Variants in PIGO observed in about 807,000 individuals in gnomAD.
The protein encoded by PIGO is phosphatidylinositol glycan anchor biosynthesis class O, also known as GPI ethanolamine phosphate transferase 3, catalytic subunit.
In PIGO, 66 loss-of-function variants were observed where a neutral mutation model predicts 86.9. The observed-to-expected ratio is 0.76, with a 90% confidence interval of 0.62 to 0.93. PIGO has a LOEUF of 0.93. PIGO is among the 40% of genes least tolerant of loss of function. The probability of loss-of-function intolerance (pLI) is 0.00; values close to 1 mark genes in which losing one functional copy is unlikely to be tolerated. For synonymous variants in PIGO, 570 were observed against 556.4 expected (o/e 1.02, Z -0.34); for missense variants, 1,202 against 1,359.1 (o/e 0.88, Z 1.82).
chr9:35,093,761 A>G, intron 4 of PIGO, 140 bp downstream of exon 4: 1 of 1,470,864 alleles, frequency 6.8e-7, no homozygotes, highest in Non-Finnish European at 9.1e-7. Flanking sequence ...ACATTGAGTT[A>G]ATCAAGATGG....
chr9:35,089,963 G>A, intron 9 of PIGO, 103 bp downstream of exon 9: 1 of 1,492,426 alleles, frequency 6.7e-7, no homozygotes, highest in Non-Finnish European at 9.0e-7. Context: ...TCACTTATGT[G>A]AAACTCAGTC....
In PIGO at chr9:35,092,576, G is replaced by A; in HGVS notation, c.1311C>T (p.Ala437=). The A allele has an allele frequency of 6.2e-7, 1 of 1,614,238 alleles. No individual in the cohort carries two copies. The highest frequency in any genetic ancestry group is 8.5e-7 in the Non-Finnish European group (1 of 1,180,040). Residue 437 remains alanine (A), a synonymous_variant, in exon 7 of 11, where the codon GCC becomes GCT. Coordinates refer to ENST00000378617, the MANE Select transcript of PIGO (RefSeq NM_032634.4). ...AACGAGCCCAAGACTCGATGCACAT[G>A]GCCCGAGCTCCCCGCAGGAACTGCT... ...ELQQFLRGAR[A]MCIESWARFS...
chr9:35,093,314 C>T, intron 5 of PIGO, 105 bp from the exon 6 acceptor site: 2 of 1,575,024 alleles, frequency 1.3e-6, no homozygotes, highest in Non-Finnish European at 1.7e-6. Flanking sequence ...GGAGGATACC[C>T]AGGATCATGG....
intron 2 of PIGO, among the ~76,000 whole-genome samples, 187 bp from the exon 3 acceptor site, chr9:35,094,546 G>A (rs1410269914): frequency 2.0e-5 from 3 of 152,044 alleles, no homozygotes; most frequent in Non-Finnish European, 4.4e-5. Context: ...CCTGATAACC[G>A]TACTCCACCC....
chr9:35,094,682 C>T (rs1002579515), intron 2 of PIGO, among the ~76,000 whole-genome samples: 2 of 152,194 alleles, frequency 1.3e-5, no homozygotes, highest in Non-Finnish European at 1.5e-5. Flanking sequence ...GCCTGTATTT[C>T]TCTGCTTTCT....
In PIGO at chr9:35,093,406, C is replaced by A. The variant is rs779032497; in HGVS notation, c.939+15G>T. 8.1e-6 allele frequency: 13 copies of A among 1,613,790 alleles called. No homozygotes were observed. In the South Asian group the frequency reaches 1.3e-4, roughly 16 times the overall value. The stretch of plus-strand genomic sequence containing the variant: ...GATTACTGGGAGAACAGATGAGGAA[C>A]ATCCCAGGCCTCACCTCTGGTGGGG... On this transcript the variant is annotated intron_variant, in intron 5 of 10. Transcript: ENST00000378617.
Position 35,092,630 on chromosome 9 carries a change from C to A in PIGO, c.1257G>T (p.Ala419=). Residue 419 remains alanine (A), a synonymous_variant, in exon 7 of 11, where the codon GCG becomes GCT. Transcript: ENST00000378617. ...GCTCAGCAATCACAGTCGGCAGTGT[C>A]GCCTCAGCCCCCTTGGGGCTCTGGA... is the stretch of plus-strand genomic sequence containing the variant. ...WLLQSPKGAE[A]TLPTVIAELQ... is the part of the protein sequence containing the mutation. The A allele has an allele frequency of 1.2e-6, 2 of 1,614,232 alleles. No individual in the cohort carries two copies. Among genetic ancestry groups the A allele is most frequent in the Non-Finnish European group, 1.7e-6 (2 of 1,180,046 alleles).
intron 6 of PIGO, 44 bp downstream of exon 6, chr9:35,092,986 C>T (rs756761215): frequency 1.5e-5 from 23 of 1,567,422 alleles, no homozygotes; most frequent in Middle Eastern, 1.9e-4. Flanking sequence ...TTCTTTCATG[C>T]CCACCCTAGC....
chr9:35,094,172 C>T (rs528710134), intron 3 of PIGO, 44 bp downstream of exon 3: 6 of 1,567,414 alleles, frequency 3.8e-6, no homozygotes, highest in Non-Finnish European at 4.3e-6. Flanking sequence ...GCAGTTCTCC[C>T]CAGCTCCCAG....
intron 1 of PIGO, 26 bp from the exon 2 acceptor site, chr9:35,095,592 A>G (rs749770467): frequency 2.7e-6 from 4 of 1,505,208 alleles, no homozygotes; most frequent in Non-Finnish European, 3.5e-6. Context: ...AAGTAAATTC[A>G]TTACTGTGGG....
In PIGO at chr9:35,091,773, C is replaced by A; in HGVS notation, c.2114G>T (p.Arg705Leu). 3 of 1,612,330 alleles carry A rather than the reference C, an allele frequency of 1.9e-6. No individual in the cohort carries two copies. Among genetic ancestry groups the A allele is most frequent in the Non-Finnish European group, 2.5e-6 (3 of 1,180,030 alleles). ...KSPEPPMLFV[R>L]WGLPLMALGT... Reference sequence around the variant, plus strand: ...CAATGCCATTAGGGGCAGTCCCCAGCGCACAAAGAGCATGGGTGGCTCGGG... The same window carrying A: ...CAATGCCATTAGGGGCAGTCCCCAGAGCACAAAGAGCATGGGTGGCTCGGG... The change falls in exon 7 of 11, where the codon CGC becomes CTC. Residue 705 changes from arginine to leucine, a missense_variant. Arg to Leu is a moderately radical substitution (Grantham distance 102). Coordinates refer to ENST00000378617, the MANE Select transcript of PIGO (RefSeq NM_032634.4).
chr9:35,093,045 A>G lies in PIGO; in HGVS notation c.1104T>C (p.His368=). 1 of 1,609,498 alleles carries G rather than the reference A, an allele frequency of 6.2e-7. No homozygotes were observed. The highest frequency in any genetic ancestry group is 8.5e-7 in the Non-Finnish European group (1 of 1,176,222). Residue 368 remains histidine (H), a synonymous_variant, in exon 6 of 11, where the codon CAT becomes CAC. Transcript: ENST00000378617. ...SSALAQASAL[H]LNAQQVSRFL... ...GCTTACCTACCTGCTGAGCATTGAGATGGAGAGCTGAGGCTTGGGCTAAAG... is the reference window on the plus strand; with the variant it reads ...GCTTACCTACCTGCTGAGCATTGAGGTGGAGAGCTGAGGCTTGGGCTAAAG...
chr9:35,095,709 A>G, intron 1 of PIGO, 143 bp from the exon 2 acceptor site: 1 of 1,081,382 alleles, frequency 9.2e-7, no homozygotes, highest in Non-Finnish European at 1.3e-6. Flanking sequence ...ACCCCTCGCA[A>G]TATTACTCTC....
rs749049535 is a variant in PIGO, at chr9:35,090,688, T to A, written c.2648-16A>T. On this transcript the variant is annotated splice_polypyrimidine_tract_variant and intron_variant, in intron 7 of 10. Transcript: ENST00000378617. The stretch of plus-strand genomic sequence containing the variant: ...GTAAAAGGACCTGGAAGAAAAGATA[T>A]GCCACGTTACAGTCACTTCTTATTC... 1 of 1,612,242 alleles carries A rather than the reference T, an allele frequency of 6.2e-7. No individual in the cohort carries two copies. The highest frequency in any genetic ancestry group is 1.1e-5 in the South Asian group (1 of 90,954).
At chr9:35,093,747 C>G in intron 4 of PIGO, 154 bp downstream of exon 4, 1 of 1,449,602 alleles carries the variant, frequency 6.9e-7, no homozygotes, top group South Asian at 1.4e-5. Flanking sequence ...ATGCCCAAAG[C>G]TACACATTGA....
At position 35,091,881 on chromosome 9, in the gene PIGO, C is replaced by A; in HGVS notation, c.2006G>T (p.Trp669Leu). Residue 669 changes from tryptophan to leucine, a missense_variant, in exon 7 of 11, where the codon TGG (tryptophan) becomes TTG (leucine). Coordinates refer to ENST00000378617, the MANE Select transcript of PIGO (RefSeq NM_032634.4). ...CAGCGCCGCCACACAAGCTCCATAC[C>A]ACAAATTCTTGGCTCGACCACCCAC... ...SMVGGRAKNL[W>L]YGACVAALVA... is the part of the protein sequence containing the mutation. 6.2e-7 allele frequency: 1 copy of A among 1,614,180 alleles called. No individual in the cohort carries two copies. Among genetic ancestry groups the A allele is most frequent in the Non-Finnish European group, 8.5e-7 (1 of 1,180,034 alleles).
chr9:35,096,138 TAGTC>T lies in PIGO; in HGVS notation c.-2+13_-2+16del, dbSNP rs1361663038. 1 of 152,038 alleles carries T rather than the reference TAGTC, an allele frequency of 6.6e-6. No homozygotes were observed. Among genetic ancestry groups the T allele is most frequent in the African/African-American group, 2.4e-5 (1 of 41,406 alleles). The allele number at this position is 152,038 out of a possible 1,614,324, so 9.4% of individuals were successfully genotyped here. ...CAGGAGGGAAACTTATTCCAATTGG[TAGTC>T]AGGCTCTCTTACACGCCGTTTCTGC... On this transcript the variant is annotated intron_variant, in intron 1 of 10. Coordinates refer to ENST00000378617, the MANE Select transcript of PIGO (RefSeq NM_032634.4).
intron 5 of PIGO, 35 bp downstream of exon 5, chr9:35,093,386 C>A: frequency 1.9e-6 from 3 of 1,613,314 alleles, no homozygotes; most frequent in South Asian, 1.1e-5. Context: ...GGGCTGATTA[C>A]TGGGAGAACA....
At chr9:35,095,890 G>C (rs1829650210) in intron 1 of PIGO, 1 of 206,904 alleles carries the variant, frequency 4.8e-6, no homozygotes, top group Admixed American at 5.2e-5. Flanking sequence ...TGTAGTCTCA[G>C]CTACTGGGGA....
Sources: gnomAD v4.1 joint callset for allele counts (sites outside exome capture counted in the v4.1 genomes callset) on GRCh38, gnomAD v4.1.1 for gene constraint, MANE v1.5 for transcripts, NCBI Gene and HGNC (gene_info 2026-07-23, HGNC 2026-07-21) for gene names.